Variants in ADCY5 observed in about 807,000 individuals in gnomAD.
ADCY5 encodes adenylate cyclase type 5.
In ADCY5, 30 loss-of-function variants were observed where a neutral mutation model predicts 119.7. That is an observed-to-expected ratio of 0.25 (90% CI 0.19 to 0.34). The LOEUF (loss-of-function observed/expected upper bound fraction) is 0.34, where lower values mean the gene tolerates loss of function less well. Ranked by LOEUF, ADCY5 falls within the 10% of genes least tolerant of loss-of-function variation. The pLI is 1.00. For missense variants in ADCY5, 1,324 were observed against 1,775.2 expected, an observed-to-expected ratio of 0.75 and a Z score of 4.57; for synonymous variants, 753 against 762.2, an observed-to-expected ratio of 0.99 and a Z score of 0.20.
chr3:123,405,195 C>T (rs1944868699), intron 1 of ADCY5, among the ~76,000 whole-genome samples: 1 of 152,246 alleles, frequency 6.6e-6, no homozygotes, highest in Non-Finnish European at 1.5e-5. Context: ...ACAGGCTCCC[C>T]AGTCCTGTCC....
intron 6 of ADCY5, among the ~76,000 whole-genome samples, chr3:123,328,330 T>C (rs1941592942): frequency 1.3e-5 from 2 of 151,916 alleles, no homozygotes; most frequent in Non-Finnish European, 2.9e-5. Context: ...AGAAACTATC[T>C]GTGATTCCTC....
At chr3:123,294,659 A>G (rs1445796739) in intron 17 of ADCY5, among the ~76,000 whole-genome samples, 4 of 152,154 alleles carry the variant, frequency 2.6e-5, no homozygotes, top group Admixed American at 2.6e-4. Context: ...TCTACTGCAG[A>G]CTGGAACAGC....
At chr3:123,405,994 C>G (rs1944888224) in intron 1 of ADCY5, among the ~76,000 whole-genome samples, 1 of 152,116 alleles carries the variant, frequency 6.6e-6, no homozygotes, top group Admixed American at 6.6e-5. Flanking sequence ...CTGGAGGGAC[C>G]GACTGCTCTT....
intron 1 of ADCY5, among the ~76,000 whole-genome samples, chr3:123,387,395 A>C (rs1442480768): frequency 2.0e-5 from 3 of 152,194 alleles, no homozygotes; most frequent in Non-Finnish European, 2.9e-5. Context: ...GGGTTGGGGA[A>C]ACTAGCCAGG....
At chr3:123,334,565 C>G (rs576714226) in intron 3 of ADCY5, among the ~76,000 whole-genome samples, 1 of 152,206 alleles carries the variant, frequency 6.6e-6, no homozygotes, top group South Asian at 2.1e-4. Flanking sequence ...TGGCAAAACC[C>G]CATTTCTACT....
At chr3:123,427,798 C>T (rs1945442405) in intron 1 of ADCY5, among the ~76,000 whole-genome samples, 1 of 152,212 alleles carries the variant, frequency 6.6e-6, no homozygotes, top group African/African-American at 2.4e-5. Flanking sequence ...CACAGCTTGA[C>T]ACAGGTGGCA....
At chr3:123,297,116 T>C (rs1029681430) in intron 16 of ADCY5, 7 of 1,465,106 alleles carry the variant, frequency 4.8e-6, no homozygotes, top group African/African-American at 1.4e-5. Context: ...CTGAAGCCGG[T>C]GATCCCAACC....
intron 1 of ADCY5, among the ~76,000 whole-genome samples, chr3:123,430,566 AACGGGC>A (rs1173301906): frequency 2.0e-5 from 3 of 152,266 alleles, no homozygotes. Context: ...GATGGTGACT[AACGGGC>A]TTTTCTAGGC....
intron 3 of ADCY5, among the ~76,000 whole-genome samples, chr3:123,334,559 A>G (rs1941934720): frequency 6.6e-6 from 1 of 152,132 alleles, no homozygotes; most frequent in Admixed American, 6.5e-5. Flanking sequence ...CCAACATGGC[A>G]AAACCCCATT....
In ADCY5 at chr3:123,413,963, C is replaced by A. The variant is rs61387166; in HGVS notation, c.1134+33449G>T. On this transcript the variant is annotated intron_variant, in intron 1 of 20. Coordinates refer to ENST00000462833, the MANE Select transcript of ADCY5 (RefSeq NM_183357.3). ...TGTTCAGCCTCACTCTCAGATGGGACGATGCAGAAAGAATTTGGGGAGATG... is the reference window on the plus strand; with the variant it reads ...TGTTCAGCCTCACTCTCAGATGGGAAGATGCAGAAAGAATTTGGGGAGATG... Among the ~76,000 whole-genome samples the A allele has an allele frequency of 3.1e-3, 470 of 152,218 alleles. 4 individuals carry two copies. Among genetic ancestry groups the A allele is most frequent in the African/African-American group, 0.011 (451 of 41,528 alleles).
intron 1 of ADCY5, among the ~76,000 whole-genome samples, chr3:123,415,928 G>T (rs1472444436): frequency 1.3e-5 from 2 of 152,144 alleles, no homozygotes; most frequent in Non-Finnish European, 2.9e-5. Flanking sequence ...AAGAAAAAAA[G>T]AAAAAAGAGT....
intron 1 of ADCY5, among the ~76,000 whole-genome samples, chr3:123,379,591 G>A (rs1943959664): frequency 1.3e-5 from 2 of 152,082 alleles, no homozygotes; most frequent in East Asian, 1.9e-4. Flanking sequence ...GGAGCAGTGG[G>A]AAGGGAGAGA....
At chr3:123,363,849 C>T (rs1303171937) in intron 1 of ADCY5, among the ~76,000 whole-genome samples, 1 of 152,156 alleles carries the variant, frequency 6.6e-6, no homozygotes, top group African/African-American at 2.4e-5. Flanking sequence ...GTCAAGGCTG[C>T]GGTGAGCCAC....
intron 1 of ADCY5, among the ~76,000 whole-genome samples, chr3:123,427,303 T>C (rs1021698215): frequency 2.6e-5 from 4 of 152,212 alleles, no homozygotes; most frequent in Admixed American, 2.6e-4. Flanking sequence ...TTTACTCTCC[T>C]ACACACAGCT....
chr3:123,416,059 T>G (rs757760871), intron 1 of ADCY5: 1 of 1,052,924 alleles, frequency 9.5e-7, no homozygotes. Flanking sequence ...AGTTCCCACC[T>G]AGGGTCAGGG....
At chr3:123,415,186 G>C (rs1945156640) in intron 1 of ADCY5, among the ~76,000 whole-genome samples, 1 of 152,216 alleles carries the variant, frequency 6.6e-6, no homozygotes, top group Non-Finnish European at 1.5e-5. Flanking sequence ...GGCTTAGGTT[G>C]CCAAGGGAGG....
chr3:123,306,275 A>G (rs911680857), intron 12 of ADCY5, among the ~76,000 whole-genome samples: 1 of 152,254 alleles, frequency 6.6e-6, no homozygotes, highest in Non-Finnish European at 1.5e-5. Context: ...TTCCAAGACA[A>G]TGGTGAAAGG....
intron 8 of ADCY5, among the ~76,000 whole-genome samples, chr3:123,321,160 G>T (rs898499354): frequency 3.9e-5 from 6 of 152,070 alleles, no homozygotes; most frequent in Non-Finnish European, 7.3e-5. Flanking sequence ...GAATTGCTGG[G>T]CTGCACAATC....
intron 1 of ADCY5, among the ~76,000 whole-genome samples, chr3:123,387,845 G>A (rs1040577974): frequency 2.6e-5 from 4 of 152,186 alleles, no homozygotes; most frequent in Non-Finnish European, 4.4e-5. Flanking sequence ...GATAAAACCA[G>A]GAGAGTACAA....
Sources: gnomAD v4.1 joint callset for allele counts (sites outside exome capture counted in the v4.1 genomes callset) on GRCh38, gnomAD v4.1.1 for gene constraint, MANE v1.5 for transcripts, NCBI Gene and HGNC (gene_info 2026-07-23, HGNC 2026-07-21) for gene names.